The following PDE8B variants were observed in gnomAD, a reference collection of about 807,000 sequenced individuals.
The protein encoded by PDE8B is high affinity cAMP-specific and IBMX-insensitive 3',5'-cyclic phosphodiesterase 8B.
In PDE8B, 26 loss-of-function variants were observed where a neutral mutation model predicts 101.3. The ratio of observed to expected loss-of-function variants is 0.26; its 90% confidence interval spans 0.19 to 0.36. The LOEUF is 0.36. Ranked by LOEUF, PDE8B falls within the 10% of genes least tolerant of loss-of-function variation. The pLI is 1.00. For synonymous variants in PDE8B, 424 were observed against 429.3 expected (o/e 0.99, Z 0.15); for missense variants, 810 against 1,163.1 (o/e 0.70, Z 4.42).
At chr5:77,245,847 C>T (rs1168357797) in intron 1 of PDE8B, among the ~76,000 whole-genome samples, 1 of 48,964 alleles carries the variant, frequency 2.0e-5, no homozygotes, top group Non-Finnish European at 3.5e-5. Context: ...CCTCCCCCCC[C>T]CGCCCCCCCC....
chr5:77,134,736 T>A, the PDE8B span, among the ~76,000 whole-genome samples: 1 of 151,886 alleles, frequency 6.6e-6, no homozygotes, highest in Non-Finnish European at 1.5e-5. Context: ...ATGAAGATAA[T>A]AAAGAGGGGG....
At chr5:77,205,627 T>A (rs1377592283), upstream of PDE8B, among the ~76,000 whole-genome samples, 1 of 152,242 alleles carries the variant, frequency 6.6e-6, no homozygotes, top group Non-Finnish European at 1.5e-5. Context: ...TAAATACTTT[T>A]TGTGGAGAGA....
the PDE8B span, among the ~76,000 whole-genome samples, chr5:77,095,167 G>T: frequency 1.3e-5 from 2 of 151,124 alleles, no homozygotes; most frequent in African/African-American, 2.4e-5. Context: ...TTTCCCAGAT[G>T]TTTTTTTTTG....
intron 10 of PDE8B, among the ~76,000 whole-genome samples, chr5:77,397,137 G>A (rs915421134): frequency 6.8e-6 from 1 of 146,162 alleles, no homozygotes; most frequent in African/African-American, 2.6e-5. Flanking sequence ...GGTTCAAGCA[G>A]TTCTGTCTCA....
chr5:77,255,238 T>C (rs1758861690), intron 1 of PDE8B, among the ~76,000 whole-genome samples: 1 of 152,194 alleles, frequency 6.6e-6, no homozygotes, highest in South Asian at 2.1e-4. Context: ...TGACTCTCTT[T>C]TCTGGAAAGG....
the PDE8B span, chr5:77,142,127 C>A: frequency 6.6e-6 from 1 of 152,114 alleles, no homozygotes; most frequent in Non-Finnish European, 1.5e-5. Flanking sequence ...TGGATATACA[C>A]TAAATTCATG....
the PDE8B span, among the ~76,000 whole-genome samples, chr5:77,180,750 G>A: frequency 6.6e-5 from 10 of 152,208 alleles, no homozygotes; most frequent in African/African-American, 1.7e-4. Context: ...ACCACAGACA[G>A]CCGCCGTTCG....
the PDE8B span, among the ~76,000 whole-genome samples, chr5:77,096,031 C>T: frequency 7.2e-5 from 11 of 152,030 alleles, no homozygotes; most frequent in East Asian, 5.8e-4. Context: ...CACTGTGTTG[C>T]GCAGGCTGGA....
intron 7 of PDE8B, among the ~76,000 whole-genome samples, chr5:77,345,905 A>G (rs1350729897): frequency 6.6e-6 from 1 of 152,128 alleles, no homozygotes; most frequent in Non-Finnish European, 1.5e-5. Flanking sequence ...CAGTGCACAC[A>G]TACACACCTT....
the PDE8B span, among the ~76,000 whole-genome samples, chr5:77,126,996 T>C: frequency 1.3e-5 from 2 of 152,186 alleles, no homozygotes; most frequent in Admixed American, 1.3e-4. Flanking sequence ...TTGCTACAGG[T>C]ATCCTTGCCA....
intron 7 of PDE8B, 53 bp downstream of exon 7, chr5:77,344,984 T>C: frequency 8.5e-7 from 1 of 1,176,122 alleles, no homozygotes; most frequent in South Asian, 1.2e-5. Context: ...CCTTTCAGGT[T>C]TAAGCCACAC....
chr5:77,123,368 C>T, the PDE8B span, among the ~76,000 whole-genome samples: 1 of 151,024 alleles, frequency 6.6e-6, no homozygotes, highest in Non-Finnish European at 1.5e-5. Context: ...CCCCACCGCC[C>T]CCCGCTTAAT....
intron 1 of PDE8B, among the ~76,000 whole-genome samples, chr5:77,275,822 G>A (rs554614619): frequency 1.1e-4 from 17 of 152,140 alleles, no homozygotes; most frequent in Non-Finnish European, 2.4e-4. Flanking sequence ...TGAAGAAAAA[G>A]ATATCTAACC....
intron 2 of PDE8B, among the ~76,000 whole-genome samples, chr5:77,324,287 A>G (rs1775650042): frequency 6.6e-6 from 1 of 152,150 alleles, no homozygotes. Flanking sequence ...CCCCACAGGT[A>G]GTTATTTTTT....
chr5:77,120,054 T>TA, the PDE8B span, among the ~76,000 whole-genome samples: 2 of 151,810 alleles, frequency 1.3e-5, no homozygotes, highest in African/African-American at 4.8e-5. Context: ...GAAGAATGGA[T>TA]AAAAAAACTG....
the PDE8B span, among the ~76,000 whole-genome samples, chr5:77,155,868 C>T: frequency 6.6e-6 from 1 of 152,130 alleles, no homozygotes; most frequent in African/African-American, 2.4e-5. Context: ...AAAACAAAAG[C>T]CAGGTATTTT....
chr5:77,104,651 G>A, the PDE8B span: 2 of 152,064 alleles, frequency 1.3e-5, no homozygotes, highest in African/African-American at 4.8e-5. Context: ...CCAGAACTCT[G>A]AGAAATAAAT....
chr5:77,330,974 G>A (rs1184241128), intron 4 of PDE8B, among the ~76,000 whole-genome samples: 2 of 152,200 alleles, frequency 1.3e-5, no homozygotes, highest in Admixed American at 1.3e-4. Context: ...CTGGAATGCT[G>A]GCTGTCTTCC....
intron 10 of PDE8B, among the ~76,000 whole-genome samples, chr5:77,378,490 T>TGTA (rs1365261094): frequency 2.8e-5 from 4 of 143,598 alleles, no homozygotes; most frequent in Non-Finnish European, 6.0e-5. Flanking sequence ...AAAAAGGGCA[T>TGTA]GTACCAAAGA....
Sources: allele counts gnomAD v4.1 joint callset (sites outside exome capture counted in the v4.1 genomes callset), GRCh38; gene constraint gnomAD v4.1.1; transcripts MANE v1.5; gene names NCBI Gene and HGNC (gene_info 2026-07-23, HGNC 2026-07-21).